Variants in ERCC6L2 observed in about 807,000 individuals in gnomAD.
ERCC6L2 encodes the protein ERCC excision repair 6 like 2.
A neutral mutation model predicts 132.0 loss-of-function variants in ERCC6L2; 77 were observed. The ratio of observed to expected loss-of-function variants is 0.58; its 90% CI spans 0.49 to 0.71. The LOEUF is 0.71. Among genes scored for constraint, ERCC6L2 ranks in the 30% least tolerant of loss-of-function variants. ERCC6L2 has a pLI of 0.00. For synonymous variants in ERCC6L2, 583 were observed against 632.4 expected (o/e 0.92, Z 1.17); for missense variants, 1,542 against 1,837.6 (o/e 0.84, Z 2.94).
At chr9:95,999,069 T>A (rs1366116691) in intron 17 of ERCC6L2, among the ~76,000 whole-genome samples, 1 of 152,174 alleles carries the variant, frequency 6.6e-6, no homozygotes, top group African/African-American at 2.4e-5. Context: ...TAAATAAGAA[T>A]GATTTTCCTG....
At chr9:95,912,904 C>CCCAA (rs1829409526) in intron 4 of ERCC6L2, among the ~76,000 whole-genome samples, 2 of 152,136 alleles carry the variant, frequency 1.3e-5, no homozygotes, top group Non-Finnish European at 2.9e-5. Context: ...TAAATAGATT[C>CCCAA]AGATTAAACA....
At position 95,881,111 on chromosome 9, in the gene ERCC6L2, C is replaced by T. The variant is rs779856407; in HGVS notation, c.289C>T (p.Arg97Ter). 23 of 1,613,196 alleles carry T rather than the reference C, an allele frequency of 1.4e-5. No homozygotes were observed. Among genetic ancestry groups the T allele is most frequent in the African/African-American group, 2.7e-5 (2 of 74,738 alleles). The change falls in exon 2 of 19, where the codon CGA (arginine) becomes TGA (stop). Residue 97 changes from arginine (R) to a stop codon, truncating the protein, a stop_gained. Coordinates refer to ENST00000653738, the MANE Select transcript of ERCC6L2 (RefSeq NM_020207.7). LOFTEE classifies it high-confidence loss of function. ...EDLEKPYFPN[R>*]KFPSSSVAFK... Reference sequence around the variant, plus strand: ...TTTAGAAAAACCTTATTTCCCAAACCGAAAATTTCCATCATCTTCTGTTGC... The same window carrying T: ...TTTAGAAAAACCTTATTTCCCAAACTGAAAATTTCCATCATCTTCTGTTGC...
In ERCC6L2 at chr9:95,897,985, A is replaced by G. The variant is rs750535929; in HGVS notation, c.594+14A>G. ...ACAGCAAAAAAGGTAAAATCTCTAG[A>G]CAATGTATATTCTACTCATGATGCT... is the stretch of plus-strand genomic sequence containing the variant. On this transcript the variant is annotated intron_variant, in intron 3 of 18. Transcript: ENST00000653738. The G allele has an allele frequency of 1.3e-6, 2 of 1,598,766 alleles. No homozygotes were observed. Among genetic ancestry groups the G allele is most frequent in the South Asian group, 2.2e-5 (2 of 89,290 alleles).
At chr9:95,979,411 GAA>G (rs1181920869) in intron 17 of ERCC6L2, among the ~76,000 whole-genome samples, 1 of 152,150 alleles carries the variant, frequency 6.6e-6, no homozygotes, top group African/African-American at 2.4e-5. Context: ...AAGGCTGAGT[GAA>G]ATGTTTGTCC....
At chr9:96,000,873 T>A (rs1258562237) in intron 17 of ERCC6L2, among the ~76,000 whole-genome samples, 1 of 152,214 alleles carries the variant, frequency 6.6e-6, no homozygotes, top group African/African-American at 2.4e-5. Flanking sequence ...AATTGGTGGG[T>A]TCTTGGTCTC....
At chr9:95,908,368 A>C (rs905561598) in intron 4 of ERCC6L2, among the ~76,000 whole-genome samples, 33 of 152,206 alleles carry the variant, frequency 2.2e-4, no homozygotes, top group African/African-American at 8.0e-4. Flanking sequence ...CCACAGAGGA[A>C]GGGACTTGTG....
chr9:95,949,979 C>T (rs1284357924), intron 12 of ERCC6L2, among the ~76,000 whole-genome samples: 1 of 150,170 alleles, frequency 6.7e-6, no homozygotes, highest in East Asian at 1.9e-4. Context: ...TGTGCCACTA[C>T]ACTCCAGCCT....
intron 3 of ERCC6L2, among the ~76,000 whole-genome samples, chr9:95,898,984 G>A (rs115749178): frequency 2.0e-5 from 3 of 152,076 alleles, no homozygotes; most frequent in African/African-American, 4.8e-5. Flanking sequence ...GTATTCAATA[G>A]CTCAAGTACT....
intron 11 of ERCC6L2, among the ~76,000 whole-genome samples, chr9:95,940,064 C>T (rs1392163017): frequency 1.3e-5 from 2 of 152,160 alleles, no homozygotes; most frequent in Non-Finnish European, 2.9e-5. Flanking sequence ...TGGAGGGAGA[C>T]CCTGTTATCA....
intron 3 of ERCC6L2, chr9:95,906,716 T>G (rs1829055307): frequency 2.2e-6 from 1 of 461,396 alleles, no homozygotes; most frequent in Admixed American, 2.3e-5. Context: ...CTTGTGTATG[T>G]ACATTACCCA....
rs555711573 is a variant in ERCC6L2 at position 95,926,335 on chromosome 9, C to G, written c.1534-1744C>G. 1.9e-4 allele frequency among the ~76,000 whole-genome samples: 29 copies of G among 152,222 alleles called. No homozygotes were observed. In the South Asian group the frequency reaches 2.5e-3, roughly 13 times the overall value. ...TAGAAACTTACATCCCGACAAGAAC[C>G]TATGAGTTTATTTATAATTGCCAAA... On this transcript the variant is annotated intron_variant, in intron 9 of 18. Coordinates refer to ENST00000653738, the MANE Select transcript of ERCC6L2 (RefSeq NM_020207.7).
At chr9:96,001,981 C>T (rs1366778943) in intron 17 of ERCC6L2, among the ~76,000 whole-genome samples, 2 of 152,244 alleles carry the variant, frequency 1.3e-5, no homozygotes, top group Non-Finnish European at 2.9e-5. Context: ...CCCCCATTGC[C>T]GGGGACCAGC....
rs112389297 is a variant in ERCC6L2 at position 95,920,864 on chromosome 9, A to T, written c.1159-311A>T. Among the ~76,000 whole-genome samples the T allele has an allele frequency of 9.7e-3, 1,476 of 151,936 alleles. 15 individuals carry two copies. The highest frequency in any genetic ancestry group is 0.017 in the Non-Finnish European group (1,173 of 67,910). On this transcript the variant is annotated intron_variant, in intron 6 of 18. Transcript: ENST00000653738. The stretch of plus-strand genomic sequence containing the variant: ...TGATCTCAGCTCACTGCAACCTCTG[A>T]CTCCTTGGTTCAAGCGATTCTCCTG...
chr9:95,916,895 G>A (rs1829624039), intron 6 of ERCC6L2, among the ~76,000 whole-genome samples: 1 of 151,952 alleles, frequency 6.6e-6, no homozygotes, highest in African/African-American at 2.4e-5. Flanking sequence ...ATGTTGTCTA[G>A]GCTGGTTTCG....
chr9:95,952,609 G>A (rs112260727), intron 12 of ERCC6L2, among the ~76,000 whole-genome samples: 3,872 of 152,180 alleles, frequency 0.025, 130 homozygotes, highest in African/African-American at 0.075. Flanking sequence ...ACGTTGGCTC[G>A]TGCCTCTTGA....
chr9:95,997,663 C>T (rs1833516248), intron 17 of ERCC6L2, among the ~76,000 whole-genome samples: 1 of 152,214 alleles, frequency 6.6e-6, no homozygotes, highest in African/African-American at 2.4e-5. Context: ...TGCAGTATAT[C>T]AGAGGTATGC....
chr9:95,973,949 T>G (rs1359027197), intron 16 of ERCC6L2, among the ~76,000 whole-genome samples: 7 of 152,184 alleles, frequency 4.6e-5, no homozygotes, highest in Admixed American at 1.3e-4. Context: ...CTCCATGCAG[T>G]TAAACATGTT....
At chr9:95,940,850 A>C (rs1830765765) in intron 11 of ERCC6L2, among the ~76,000 whole-genome samples, 1 of 152,076 alleles carries the variant, frequency 6.6e-6, no homozygotes, top group Non-Finnish European at 1.5e-5. Flanking sequence ...CAGTTGCTGA[A>C]TGTGGGACTC....
At chr9:96,009,561 G>A (rs1440832419) in intron 18 of ERCC6L2, among the ~76,000 whole-genome samples, 1 of 152,196 alleles carries the variant, frequency 6.6e-6, no homozygotes, top group Non-Finnish European at 1.5e-5. Flanking sequence ...TACACTTGCT[G>A]AAAGATACAT....
Sources: gnomAD v4.1 joint callset for allele counts (sites outside exome capture counted in the v4.1 genomes callset) on GRCh38, gnomAD v4.1.1 for gene constraint, MANE v1.5 for transcripts, NCBI Gene and HGNC (gene_info 2026-07-23, HGNC 2026-07-21) for gene names.